The following PRELID2 variants were observed in gnomAD, a reference collection of about 807,000 sequenced individuals.
PRELID2 encodes the protein PRELI domain containing 2.
In PRELID2, 25 loss-of-function variants were observed where a neutral mutation model predicts 28.4. That is an observed-to-expected ratio of 0.88 (90% CI 0.64 to 1.23). The LOEUF (loss-of-function observed/expected upper bound fraction) is 1.23, where lower values mean the gene tolerates loss of function less well. PRELID2 is among the 50% of genes most tolerant of loss of function. The pLI, the probability that PRELID2 is intolerant of heterozygous loss-of-function variation, is 0.00. For synonymous variants in PRELID2, 76 were observed against 71.6 expected (o/e 1.06, Z -0.31); for missense variants, 201 against 214.4 (o/e 0.94, Z 0.39).
At chr5:145,453,878 G>A in the PRELID2 span, among the ~76,000 whole-genome samples, 1 of 152,070 alleles carries the variant, frequency 6.6e-6, no homozygotes, top group Middle Eastern at 3.2e-3. Context: ...TGGGCATTTG[G>A]GTTGGTTCCA....
the PRELID2 span, among the ~76,000 whole-genome samples, chr5:145,375,648 G>A: frequency 3.5e-4 from 53 of 152,302 alleles, no homozygotes; most frequent in Non-Finnish European, 4.9e-4. Context: ...GGGAGATCTG[G>A]GTTCTGTCCC....
chr5:145,377,658 A>C, the PRELID2 span, among the ~76,000 whole-genome samples: 1 of 151,956 alleles, frequency 6.6e-6, no homozygotes, highest in Non-Finnish European at 1.5e-5. Context: ...TCACTTAAAG[A>C]CTGTTTTGTC....
chr5:145,409,672 G>A, the PRELID2 span, among the ~76,000 whole-genome samples: 5 of 151,548 alleles, frequency 3.3e-5, no homozygotes, highest in African/African-American at 4.9e-5. Flanking sequence ...CCAGCAGTTT[G>A]GAAGGGCAAG....
intron 1 of PRELID2, among the ~76,000 whole-genome samples, chr5:145,619,053 G>A (rs1411228879): frequency 6.6e-6 from 1 of 152,116 alleles, no homozygotes; most frequent in Non-Finnish European, 1.5e-5. Flanking sequence ...ACAGCACTGA[G>A]CCTGTTTCCA....
At chr5:145,515,632 A>G (rs1246141221) in intron 1 of PRELID2, among the ~76,000 whole-genome samples, 1 of 152,208 alleles carries the variant, frequency 6.6e-6, no homozygotes, top group Non-Finnish European at 1.5e-5. Flanking sequence ...ATTCTTCCTA[A>G]CTCATTTTAT....
chr5:145,569,053 G>T (rs887651937), intron 1 of PRELID2, among the ~76,000 whole-genome samples: 2 of 152,158 alleles, frequency 1.3e-5, no homozygotes, highest in African/African-American at 4.8e-5. Flanking sequence ...TTTTACAAAG[G>T]TTATCAATTA....
At chr5:145,337,828 A>C in the PRELID2 span, 3 of 150,230 alleles carry the variant, frequency 2.0e-5, no homozygotes, top group Non-Finnish European at 4.4e-5. Context: ...GTTCCTATGA[A>C]GCTGAGATGT....
At chr5:145,328,075 G>A in the PRELID2 span, among the ~76,000 whole-genome samples, 32 of 152,040 alleles carry the variant, frequency 2.1e-4, no homozygotes, top group African/African-American at 7.2e-4. Flanking sequence ...GAGAATGGTG[G>A]TTTCCAGCTT....
intron 5 of PRELID2, among the ~76,000 whole-genome samples, chr5:145,766,452 G>A (rs338896): frequency 0.77 from 117,739 of 152,056 alleles, 47,202 homozygotes; most frequent in East Asian, 0.96. Flanking sequence ...GGATGGGGAC[G>A]GAGGGTAATC....
At chr5:145,746,901 T>C (rs927556799) in intron 1 of PRELID2, among the ~76,000 whole-genome samples, 2 of 152,116 alleles carry the variant, frequency 1.3e-5, no homozygotes, top group African/African-American at 4.8e-5. Context: ...CACAATTACA[T>C]GGAAATCGAA....
chr5:145,322,271 T>A, the PRELID2 span, among the ~76,000 whole-genome samples: 3 of 152,230 alleles, frequency 2.0e-5, no homozygotes, highest in Admixed American at 1.3e-4. Flanking sequence ...ATCCCTCTTA[T>A]ATAGAGATAC....
At chr5:145,461,093 A>C in the PRELID2 span, among the ~76,000 whole-genome samples, 1 of 152,212 alleles carries the variant, frequency 6.6e-6, no homozygotes, top group Non-Finnish European at 1.5e-5. Flanking sequence ...AGTAGTACAA[A>C]TCAGAGCACA....
At chr5:145,231,737 G>A in the PRELID2 span, among the ~76,000 whole-genome samples, 7,718 of 152,154 alleles carry the variant, frequency 0.051, 343 homozygotes, top group African/African-American at 0.12. Flanking sequence ...GTGTATTGAT[G>A]TCTTGGTGGG....
chr5:145,723,931 G>A (rs1756059420), intron 1 of PRELID2, among the ~76,000 whole-genome samples: 2 of 152,060 alleles, frequency 1.3e-5, no homozygotes, highest in Admixed American at 1.3e-4. Flanking sequence ...GCAAAATATT[G>A]GAAGTGACCT....
At chr5:145,575,002 G>C (rs1753048618) in intron 1 of PRELID2, among the ~76,000 whole-genome samples, 1 of 152,156 alleles carries the variant, frequency 6.6e-6, no homozygotes, top group Admixed American at 6.6e-5. Context: ...ACAAAGGATT[G>C]ACTATACTCA....
chr5:145,828,331 T>C (rs1019547421), intron 1 of PRELID2, among the ~76,000 whole-genome samples: 4 of 152,236 alleles, frequency 2.6e-5, no homozygotes, highest in African/African-American at 7.2e-5. Flanking sequence ...ATCAACACTT[T>C]TGAAGACTTA....
In PRELID2 at chr5:145,652,011, G is replaced by A. The variant is rs1258384792; in HGVS notation, n.70+112920C>T. On this transcript the variant is annotated intron_variant and non_coding_transcript_variant, in intron 1 of 2. Transcript: ENST00000510259. ...AAAGAAGCTAAAAACCATGAAAAAA[G>A]TTTAGACAGATGGCTAACCAAAATA... 3.3e-5 allele frequency among the ~76,000 whole-genome samples: 5 copies of A among 152,162 alleles called. No homozygotes were observed. The South Asian group carries it at 1.0e-3, about 32-fold the overall frequency.
chr5:145,632,618 T>C (rs1178987847), intron 1 of PRELID2, among the ~76,000 whole-genome samples: 1 of 152,208 alleles, frequency 6.6e-6, no homozygotes, highest in Non-Finnish European at 1.5e-5. Flanking sequence ...GTTTAGAAAG[T>C]CTGCCTGTAG....
chr5:145,266,739 C>T, the PRELID2 span, among the ~76,000 whole-genome samples: 5 of 152,132 alleles, frequency 3.3e-5, no homozygotes, highest in African/African-American at 1.2e-4. Context: ...TACTTGCACA[C>T]ATGTGTTTAT....
Sources: gnomAD v4.1 joint callset for allele counts (sites outside exome capture counted in the v4.1 genomes callset) on GRCh38, gnomAD v4.1.1 for gene constraint, MANE v1.5 for transcripts, NCBI Gene and HGNC (gene_info 2026-07-23, HGNC 2026-07-21) for gene names.